The following CDH2 variants were observed in gnomAD, a reference collection of about 807,000 sequenced individuals.
CDH2 encodes the protein cadherin 2, also known as cadherin-2.
A neutral mutation model predicts 92.0 loss-of-function variants in CDH2; 17 were observed. The ratio of observed to expected loss-of-function variants is 0.18; its 90% CI spans 0.13 to 0.28. CDH2 has a LOEUF of 0.28. CDH2 is among the 10% of genes least tolerant of loss of function. The pLI, the probability that CDH2 is intolerant of heterozygous loss-of-function variation, is 1.00. For synonymous variants in CDH2, 419 were observed against 415.9 expected, an observed-to-expected ratio of 1.01 and a Z score of -0.09; for missense variants, 862 against 1,133.1, an observed-to-expected ratio of 0.76 and a Z score of 3.44.
chr18:28,095,419 A>G (rs991714106), intron 2 of CDH2, among the ~76,000 whole-genome samples: 13 of 152,154 alleles, frequency 8.5e-5, no homozygotes, highest in African/African-American at 3.1e-4. Flanking sequence ...CATCTCTATA[A>G]AATAAAAATA....
intron 2 of CDH2, among the ~76,000 whole-genome samples, chr18:28,014,406 G>A (rs756330245): frequency 6.6e-6 from 1 of 152,098 alleles, no homozygotes; most frequent in Non-Finnish European, 1.5e-5. Context: ...TGCATACCCT[G>A]CATACTTTCT....
chr18:28,117,395 T>C (rs1459088228), intron 2 of CDH2, among the ~76,000 whole-genome samples: 6 of 152,104 alleles, frequency 3.9e-5, no homozygotes, highest in Admixed American at 6.6e-5. Flanking sequence ...CTGTGGCATA[T>C]ACACTAGGGT....
At chr18:28,063,408 A>G (rs2014442972) in intron 2 of CDH2, among the ~76,000 whole-genome samples, 2 of 152,178 alleles carry the variant, frequency 1.3e-5, no homozygotes, top group Admixed American at 6.5e-5. Context: ...ATGAGAAGAG[A>G]CGGTTCCTTT....
chr18:27,978,124 TAAGATTTA>T (rs1567946324), intron 14 of CDH2, among the ~76,000 whole-genome samples: 1 of 152,236 alleles, frequency 6.6e-6, no homozygotes, highest in Non-Finnish European at 1.5e-5. Context: ...ACCATGATTT[TAAGATTTA>T]AAGTAAGAAC....
intron 2 of CDH2, among the ~76,000 whole-genome samples, chr18:28,123,936 G>A (rs2015633417): frequency 6.6e-6 from 1 of 152,156 alleles, no homozygotes; most frequent in Admixed American, 6.6e-5. Flanking sequence ...AGGATGGCGG[G>A]AGGTGGGGGA....
At chr18:28,064,550 A>G (rs1240050845) in intron 2 of CDH2, among the ~76,000 whole-genome samples, 1 of 152,112 alleles carries the variant, frequency 6.6e-6, no homozygotes, top group Non-Finnish European at 1.5e-5. Context: ...AATAAGAAAA[A>G]ATAAAAAATA....
chr18:28,011,203 T>C (rs961593056), intron 4 of CDH2, among the ~76,000 whole-genome samples: 1 of 152,130 alleles, frequency 6.6e-6, no homozygotes. Flanking sequence ...TGTCTTACTA[T>C]ACTTTTGTAA....
intron 7 of CDH2, among the ~76,000 whole-genome samples, chr18:27,995,420 T>C (rs1357680952): frequency 6.6e-6 from 1 of 151,930 alleles, no homozygotes; most frequent in African/African-American, 2.4e-5. Flanking sequence ...TCATGGTTAG[T>C]GAGAGAATTT....
chr18:28,162,722 G>A (rs147076332), intron 1 of CDH2, among the ~76,000 whole-genome samples: 7 of 152,314 alleles, frequency 4.6e-5, no homozygotes, highest in Non-Finnish European at 7.4e-5. Context: ...GGAACTGGCC[G>A]AGTTGTTATC....
At chr18:28,095,822 A>AAAAAAAAAAAAAAAAG (rs1555641273) in intron 2 of CDH2, among the ~76,000 whole-genome samples, 3 of 147,070 alleles carry the variant, frequency 2.0e-5, no homozygotes, top group African/African-American at 7.5e-5. Flanking sequence ...AAAAAAAAAA[A>AAAAAAAAAAAAAAAAG]AAAGAAAGAA....
intron 3 of CDH2, among the ~76,000 whole-genome samples, chr18:28,012,699 G>C (rs140252810): frequency 1.3e-5 from 2 of 151,898 alleles, no homozygotes; most frequent in Admixed American, 1.3e-4. Context: ...TTAGTTACTG[G>C]GTTTTCACTT....
At chr18:28,041,048 T>G (rs1490470396) in intron 2 of CDH2, among the ~76,000 whole-genome samples, 1 of 152,218 alleles carries the variant, frequency 6.6e-6, no homozygotes, top group South Asian at 2.1e-4. Flanking sequence ...AATCCTGGTA[T>G]GGTTCTTCAA....
At chr18:27,937,822 G>A (rs17445462) in intron 6 of CDH2, among the ~76,000 whole-genome samples, 4,517 of 152,256 alleles carry the variant, frequency 0.03, 98 homozygotes, top group Non-Finnish European at 0.046. Context: ...TGCAGCTCCA[G>A]ATAGTCAGAA....
At chr18:28,093,800 A>T (rs2015078480) in intron 2 of CDH2, among the ~76,000 whole-genome samples, 1 of 152,234 alleles carries the variant, frequency 6.6e-6, no homozygotes, top group Admixed American at 6.5e-5. Flanking sequence ...CACAAAGAGA[A>T]TCATAACTAA....
intron 2 of CDH2, among the ~76,000 whole-genome samples, chr18:28,065,014 A>G (rs771780614): frequency 6.6e-6 from 1 of 152,020 alleles, no homozygotes; most frequent in Non-Finnish European, 1.5e-5. Flanking sequence ...AAAGCTGCTT[A>G]CCATCATAAG....
intron 2 of CDH2, among the ~76,000 whole-genome samples, chr18:28,046,822 A>G (rs560675101): frequency 9.9e-5 from 15 of 152,238 alleles, no homozygotes; most frequent in Admixed American, 5.2e-4. Flanking sequence ...GAGCAAAAAC[A>G]TAATTTTGCT....
chr18:27,963,677 A>G, intron 14 of CDH2, 156 bp from the exon 15 acceptor site: 1 of 614,244 alleles, frequency 1.6e-6, no homozygotes, highest in South Asian at 2.0e-5. Flanking sequence ...TTATGATTAA[A>G]TATTTCTTTC....
chr18:28,114,016 C>T (rs1375290042), intron 2 of CDH2, among the ~76,000 whole-genome samples: 1 of 152,042 alleles, frequency 6.6e-6, no homozygotes, highest in Non-Finnish European at 1.5e-5. Flanking sequence ...TAGTGGCATC[C>T]TCCAACAAGT....
At position 28,090,770 on chromosome 18, in the gene CDH2, G is replaced by A. The variant is rs573190807; in HGVS notation, c.172+56903C>T. On this transcript the variant is annotated intron_variant, in intron 2 of 15. Coordinates refer to ENST00000269141, the MANE Select transcript of CDH2 (RefSeq NM_001792.5). ...ATTTTCTTTTATTGTACTGAAGAAT[G>A]TTGTATCCATCATAGCCTACAAATA... Among the ~76,000 whole-genome samples the A allele has an allele frequency of 3.3e-5, 5 of 152,262 alleles. No individual in the cohort carries two copies. The East Asian group carries it at 7.7e-4, about 23-fold the overall frequency.
Sources: gnomAD v4.1 joint callset for allele counts (sites outside exome capture counted in the v4.1 genomes callset) on GRCh38, gnomAD v4.1.1 for gene constraint, MANE v1.5 for transcripts, NCBI Gene and HGNC (gene_info 2026-07-23, HGNC 2026-07-21) for gene names.